The following SPIDR variants were observed in gnomAD, a reference collection of about 807,000 sequenced individuals.
SPIDR encodes DNA repair-scaffolding protein.
In SPIDR, 93 loss-of-function variants were observed where a neutral mutation model predicts 104.6. That is an observed-to-expected ratio of 0.89 (90% CI 0.75 to 1.06). The LOEUF (loss-of-function observed/expected upper bound fraction) is 1.06, where lower values mean the gene tolerates loss of function less well. SPIDR is among the 50% of genes least tolerant of loss of function. The pLI, the probability that SPIDR is intolerant of heterozygous loss-of-function variation, is 0.00. For synonymous variants in SPIDR, 431 were observed against 416.9 expected (o/e 1.03, Z -0.41); for missense variants, 1,154 against 1,111.2 (o/e 1.04, Z -0.55).
At chr8:47,541,783 C>T (rs1254870046) in intron 8 of SPIDR, among the ~76,000 whole-genome samples, 1 of 152,026 alleles carries the variant, frequency 6.6e-6, no homozygotes, top group Non-Finnish European at 1.5e-5. Flanking sequence ...CCTGTAGTCT[C>T]AGCTATTCGG....
At chr8:47,269,333 C>T (rs1006774959) in intron 1 of SPIDR, among the ~76,000 whole-genome samples, 8 of 151,916 alleles carry the variant, frequency 5.3e-5, no homozygotes, top group Non-Finnish European at 1.2e-4. Context: ...TCTCAGCTCG[C>T]TGCAACCTCT....
intron 5 of SPIDR, among the ~76,000 whole-genome samples, chr8:47,322,209 A>G (rs1206670365): frequency 6.6e-6 from 1 of 152,232 alleles, no homozygotes; most frequent in East Asian, 1.9e-4. Context: ...ACAAAGGGCT[A>G]ATATCCAGAA....
chr8:47,317,716 C>G (rs1056990151), intron 5 of SPIDR, among the ~76,000 whole-genome samples: 4 of 152,128 alleles, frequency 2.6e-5, no homozygotes, highest in African/African-American at 9.7e-5. Context: ...CAGACTAACA[C>G]CTCACATGGC....
chr8:47,322,340 C>T (rs868985231), intron 5 of SPIDR, among the ~76,000 whole-genome samples: 1 of 152,200 alleles, frequency 6.6e-6, no homozygotes, highest in African/African-American at 2.4e-5. Flanking sequence ...TGAAAAGATG[C>T]TCATCATCCC....
intron 10 of SPIDR, among the ~76,000 whole-genome samples, chr8:47,608,722 T>C (rs548362614): frequency 6.6e-6 from 1 of 152,340 alleles, no homozygotes; most frequent in African/African-American, 2.4e-5. Flanking sequence ...CATCTTTTCT[T>C]TTTTTTATTT....
chr8:47,646,388 G>C (rs1385819294), intron 10 of SPIDR, among the ~76,000 whole-genome samples: 1 of 152,104 alleles, frequency 6.6e-6, no homozygotes, highest in Non-Finnish European at 1.5e-5. Flanking sequence ...ATTTTAAACA[G>C]GTCAGCTCTT....
At chr8:47,308,563 T>G (rs1341651816) in intron 5 of SPIDR, among the ~76,000 whole-genome samples, 2 of 150,966 alleles carry the variant, frequency 1.3e-5, no homozygotes, top group African/African-American at 4.9e-5. Context: ...GCCGTAGTCT[T>G]TAACATCTGA....
chr8:47,518,129 T>C (rs1373310918), intron 8 of SPIDR, among the ~76,000 whole-genome samples: 1 of 152,230 alleles, frequency 6.6e-6, no homozygotes, highest in African/African-American at 2.4e-5. Flanking sequence ...ATATTCTCCA[T>C]GTGAAAGAGT....
intron 16 of SPIDR, among the ~76,000 whole-genome samples, chr8:47,717,748 T>C (rs2082773768): frequency 6.6e-6 from 1 of 152,200 alleles, no homozygotes; most frequent in African/African-American, 2.4e-5. Context: ...TTCAAATGGG[T>C]GTTGAAAACT....
chr8:47,621,149 G>C (rs536675589), intron 10 of SPIDR, among the ~76,000 whole-genome samples: 18 of 151,752 alleles, frequency 1.2e-4, no homozygotes, highest in African/African-American at 4.3e-4. Flanking sequence ...TAGAGACGGG[G>C]TTTCACCATG....
At position 47,261,010 on chromosome 8, in the gene SPIDR, G is replaced by C. The variant is rs2154207949; in HGVS notation, c.33+19G>C. The C allele has an allele frequency of 4.1e-6, 5 of 1,227,950 alleles. No individual in the cohort carries two copies. The East Asian group carries it at 1.6e-4, about 39-fold the overall frequency. The allele number at this position is 1,227,950 out of a possible 1,614,324, so 76.1% of individuals were successfully genotyped here. ...CTCTAAGGTAGGCTCTGGGGCGGGA[G>C]TGGGCGCCGCGCCGTTTCCCGCGTT... On this transcript the variant is annotated intron_variant, in intron 1 of 19. Transcript: ENST00000297423.
chr8:47,338,060 C>G (rs1458176395), intron 5 of SPIDR, among the ~76,000 whole-genome samples: 2 of 152,048 alleles, frequency 1.3e-5, no homozygotes, highest in Non-Finnish European at 2.9e-5. Flanking sequence ...TTTGGTTCTT[C>G]TTATTCTTTT....
At chr8:47,500,189 C>A (rs990854380) in intron 8 of SPIDR, among the ~76,000 whole-genome samples, 3 of 152,162 alleles carry the variant, frequency 2.0e-5, no homozygotes, top group African/African-American at 7.2e-5. Flanking sequence ...AATGGTATTT[C>A]TAGTTCTAGA....
intron 8 of SPIDR, among the ~76,000 whole-genome samples, chr8:47,588,153 AT>A (rs1430526076): frequency 7.2e-6 from 1 of 139,298 alleles, no homozygotes; most frequent in East Asian, 2.2e-4. Flanking sequence ...CTATAGATCC[AT>A]TTGGGGAGCT....
At chr8:47,553,680 T>C (rs2090913514) in intron 8 of SPIDR, among the ~76,000 whole-genome samples, 1 of 152,232 alleles carries the variant, frequency 6.6e-6, no homozygotes, top group South Asian at 2.1e-4. Flanking sequence ...TTCTTTGCGA[T>C]GGGTTCGAAC....
intron 10 of SPIDR, among the ~76,000 whole-genome samples, chr8:47,637,823 A>C (rs2068197625): frequency 6.6e-6 from 1 of 152,106 alleles, no homozygotes; most frequent in South Asian, 2.1e-4. Flanking sequence ...TTCCATCCTA[A>C]AGTCTTTGGA....
intron 10 of SPIDR, among the ~76,000 whole-genome samples, chr8:47,643,294 A>G (rs1446330424): frequency 1.3e-5 from 2 of 152,158 alleles, no homozygotes; most frequent in Non-Finnish European, 1.5e-5. Flanking sequence ...TCTAGTCTGC[A>G]TTCTGTAGTA....
chr8:47,375,742 T>A (rs1250495630), intron 5 of SPIDR, among the ~76,000 whole-genome samples: 1 of 152,122 alleles, frequency 6.6e-6, no homozygotes, highest in African/African-American at 2.4e-5. Context: ...TGCGCACCAC[T>A]GTGCCCAGAA....
chr8:47,391,292 C>G (rs1320709944), intron 5 of SPIDR, among the ~76,000 whole-genome samples: 1 of 152,086 alleles, frequency 6.6e-6, no homozygotes, highest in Non-Finnish European at 1.5e-5. Flanking sequence ...AATCCCAGCA[C>G]TTTGGGAGGC....
Sources: gnomAD v4.1 joint callset for allele counts (sites outside exome capture counted in the v4.1 genomes callset) on GRCh38, gnomAD v4.1.1 for gene constraint, MANE v1.5 for transcripts, NCBI Gene and HGNC (gene_info 2026-07-23, HGNC 2026-07-21) for gene names.